The following THEM5 variants were observed in gnomAD, a reference collection of about 807,000 sequenced individuals.
The protein encoded by THEM5 is thioesterase superfamily member 5.
In THEM5, 28 loss-of-function variants were observed where a neutral mutation model predicts 24.2. The observed-to-expected ratio is 1.16, with a 90% confidence interval of 0.86 to 1.59. The LOEUF (loss-of-function observed/expected upper bound fraction) is 1.59, where lower values mean the gene tolerates loss of function less well. Ranked by LOEUF, THEM5 falls within the 40% of genes most tolerant of loss-of-function variation. THEM5 has a pLI of 0.00. For synonymous variants in THEM5, 87 were observed against 114.5 expected, an observed-to-expected ratio of 0.76 and a Z score of 1.53; for missense variants, 260 against 296.8, an observed-to-expected ratio of 0.88 and a Z score of 0.91.
chr1:151,853,306 T>G, intron 1 of THEM5, 137 bp downstream of exon 1: 1 of 1,212,344 alleles, frequency 8.2e-7, no homozygotes, highest in Middle Eastern at 2.6e-4. Context: ...GAGCACTTTC[T>G]CTTTGCCAAA....
chr1:151,852,594 A>C (rs886660591), intron 1 of THEM5, 135 bp from the exon 2 acceptor site: 1 of 784,956 alleles, frequency 1.3e-6, no homozygotes, highest in Non-Finnish European at 2.0e-6. Context: ...TCCAAGGGAA[A>C]GGGCCCATAT....
chr1:151,853,024 A>T (rs959558423), intron 1 of THEM5, among the ~76,000 whole-genome samples: 2 of 152,218 alleles, frequency 1.3e-5, no homozygotes, highest in Non-Finnish European at 2.9e-5. Flanking sequence ...GTGTGGTGCC[A>T]TGGCTGGGGC....
At chr1:151,850,697 C>A (rs1439316412) in intron 3 of THEM5, among the ~76,000 whole-genome samples, 1 of 152,188 alleles carries the variant, frequency 6.6e-6, no homozygotes, top group African/African-American at 2.4e-5. Flanking sequence ...GGGTCAATTG[C>A]TTGCTCAGAG....
At position 151,847,414 on chromosome 1, in the gene THEM5, C is replaced by T; in HGVS notation, c.701G>A (p.Gly234Asp). The T allele has an allele frequency of 3.7e-6, 6 of 1,614,042 alleles. No individual in the cohort carries two copies. Among genetic ancestry groups the T allele is most frequent in the Non-Finnish European group, 4.2e-6 (5 of 1,179,996 alleles). Residue 234 changes from glycine to aspartate, a missense_variant and splice_region_variant, in exon 6 of 6, where the codon GGT becomes GAT. Physicochemically the swap from Gly to Asp is moderately conservative, Grantham distance 94. Coordinates refer to ENST00000368817, the MANE Select transcript of THEM5 (RefSeq NM_182578.4). ...TTCCAACTGCAGCTGAAGGAAAACA[C>T]CTGCAAGAGAAGGGTGAGTTGAGCT... ...DQQTVYAKSS[G>D]VFLQLQLEEE...
At chr1:151,848,320 G>T in intron 3 of THEM5, 28 bp from the exon 4 acceptor site, 1 of 1,588,796 alleles carries the variant, frequency 6.3e-7, no homozygotes, top group Non-Finnish European at 8.6e-7. Context: ...TGAGGAGCAA[G>T]GCCTGGGCTG....
intron 2 of THEM5, among the ~76,000 whole-genome samples, 190 bp downstream of exon 2, chr1:151,852,068 A>G (rs1374862182): frequency 6.6e-6 from 1 of 152,026 alleles, no homozygotes; most frequent in Non-Finnish European, 1.5e-5. Context: ...GCTGCTTCAG[A>G]TGGGAGGAGG....
chr1:151,848,214 C>T lies in THEM5; in HGVS notation c.543G>A (p.Leu181=), dbSNP rs781453029. 5.6e-6 allele frequency: 9 copies of T among 1,614,114 alleles called. No homozygotes were observed. The East Asian group carries it at 2.0e-4, about 36-fold the overall frequency. The part of the protein sequence containing the change: ...SKTAFLAGEG[L]FTLSLNIRFK... ...ACCTGATGTTGAGACTTAGTGTGAA[C>T]AGCCCCTCTCCAGCCAGGAAGGCAG... is the stretch of plus-strand genomic sequence containing the variant. Residue 181 remains leucine (L), a synonymous_variant, in exon 4 of 6, where the codon CTG becomes CTA. Coordinates refer to ENST00000368817, the MANE Select transcript of THEM5 (RefSeq NM_182578.4).
chr1:151,847,534 GT>G, intron 5 of THEM5, 120 bp from the exon 6 acceptor site: 2 of 1,434,188 alleles, frequency 1.4e-6, no homozygotes, highest in Non-Finnish European at 2.0e-6. Flanking sequence ...TTCGTTACAG[GT>G]TGGATAACTC....
intron 5 of THEM5, 126 bp downstream of exon 5, chr1:151,847,612 A>G: frequency 1.4e-6 from 2 of 1,437,590 alleles, no homozygotes; most frequent in South Asian, 2.3e-5. Context: ...TAGGTGCCCT[A>G]TCCCACCCCT....
At chr1:151,848,793 A>G (rs750096128) in intron 3 of THEM5, among the ~76,000 whole-genome samples, 1 of 152,254 alleles carries the variant, frequency 6.6e-6, no homozygotes, top group Non-Finnish European at 1.5e-5. Flanking sequence ...AACATAACTT[A>G]TGACCTATCA....
intron 3 of THEM5, among the ~76,000 whole-genome samples, chr1:151,850,718 A>G (rs926635179): frequency 1.3e-5 from 2 of 152,240 alleles, no homozygotes; most frequent in Non-Finnish European, 2.9e-5. Flanking sequence ...TCCCACAGCC[A>G]GCAGCAGCCA....
At chr1:151,848,580 A>G (rs1653018510) in intron 3 of THEM5, among the ~76,000 whole-genome samples, 1 of 152,262 alleles carries the variant, frequency 6.6e-6, no homozygotes, top group African/African-American at 2.4e-5. Context: ...TTTTTCTGAT[A>G]AAGTTAATAG....
chr1:151,852,254 T>G lies in THEM5; in HGVS notation c.325+4A>C. On this transcript the variant is annotated splice_donor_region_variant and intron_variant, in intron 2 of 5. Transcript: ENST00000368817. ...GGTGTGTGTACTCATGGTCCTGTCCTTACCTGAGGAAACTGCCAGTCCAGA... is the reference window on the plus strand; with the variant it reads ...GGTGTGTGTACTCATGGTCCTGTCCGTACCTGAGGAAACTGCCAGTCCAGA... 6.2e-7 allele frequency: 1 copy of G among 1,613,062 alleles called. No individual in the cohort carries two copies. Among genetic ancestry groups the G allele is most frequent in the South Asian group, 1.1e-5 (1 of 91,026 alleles).
rs763692895 is a variant in THEM5 at position 151,848,160 on chromosome 1, T to C, written c.575+22A>G. Reference sequence around the variant, plus strand: ...TGAAAAGGTCTGTGACTTTGGCCAATGCCCCAGGGGCCCATACTTACTTTT... The same window carrying C: ...TGAAAAGGTCTGTGACTTTGGCCAACGCCCCAGGGGCCCATACTTACTTTT... On this transcript the variant is annotated intron_variant, in intron 4 of 5. Transcript: ENST00000368817. The C allele has an allele frequency of 1.9e-6, 3 of 1,610,566 alleles. No individual in the cohort carries two copies. In the Admixed American group the frequency reaches 5.0e-5, roughly 27 times the overall value.
intron 2 of THEM5, 80 bp downstream of exon 2, chr1:151,852,178 G>T: frequency 7.3e-7 from 1 of 1,374,976 alleles, no homozygotes; most frequent in Non-Finnish European, 1.0e-6. Flanking sequence ...GAACTGGAAG[G>T]CGGTCTGTGA....
intron 3 of THEM5, among the ~76,000 whole-genome samples, chr1:151,848,507 GT>G (rs750256279): frequency 6.6e-6 from 1 of 152,220 alleles, no homozygotes; most frequent in Non-Finnish European, 1.5e-5. Flanking sequence ...GAGCTTTTCT[GT>G]TTTGCTTCAG....
rs1347784658 is a variant in THEM5, at chr1:151,847,755, ACTGT to A, written c.679_682del (p.Thr227PhefsTer94). 1 of 1,613,340 alleles carries A rather than the reference ACTGT, an allele frequency of 6.2e-7. No homozygotes were observed. The highest frequency in any genetic ancestry group is 8.5e-7 in the Non-Finnish European group (1 of 1,179,920). On this transcript the variant is annotated frameshift_variant, in exon 5 of 6. Transcript: ENST00000368817. LOFTEE classifies it high-confidence loss of function. ...TCCTTTACCTGAGGACTTGGCATAA[ACTGT>A]CTGCTGGTCTCTGCTGTGGGCGATG...
intron 3 of THEM5, among the ~76,000 whole-genome samples, chr1:151,849,251 C>T (rs948029427): frequency 2.7e-5 from 4 of 150,916 alleles, no homozygotes; most frequent in Non-Finnish European, 5.9e-5. Flanking sequence ...GTAAAATGTT[C>T]ATTCTTGCTT....
At position 151,852,457 on chromosome 1, in the gene THEM5, G is replaced by C; in HGVS notation, c.126C>G (p.Phe42Leu). 8 of 1,614,160 alleles carry C rather than the reference G, an allele frequency of 5.0e-6. No homozygotes were observed. The highest frequency in any genetic ancestry group is 6.8e-6 in the Non-Finnish European group (8 of 1,180,040). Residue 42 changes from phenylalanine to leucine, a missense_variant and splice_region_variant, in exon 2 of 6, where the codon TTC becomes TTG. Phe to Leu is a conservative substitution (Grantham distance 22). Transcript: ENST00000368817. Reference protein sequence around the residue: ...SAFGSSTDSMFSRFLPEKTDL... With the variant: ...SAFGSSTDSMLSRFLPEKTDL... ...CTGTCTTCTCTGGCAAGAATCTTGA[G>C]AACTGGGCAGGAAAAATCAGAATGA...
Sources: allele counts gnomAD v4.1 joint callset (sites outside exome capture counted in the v4.1 genomes callset), GRCh38; gene constraint gnomAD v4.1.1; transcripts MANE v1.5; gene names NCBI Gene and HGNC (gene_info 2026-07-23, HGNC 2026-07-21).